Variants in DOK6 observed in about 807,000 individuals in gnomAD.
DOK6 encodes the protein docking protein 6, also known as downstream of tyrosine kinase 6.
Under a neutral mutation model 44.0 loss-of-function variants are expected in DOK6, and 22 were observed. The observed-to-expected ratio is 0.50, with a 90% CI of 0.36 to 0.71. The LOEUF is 0.71. Among genes scored for constraint, DOK6 ranks in the 30% least tolerant of loss-of-function variants. The pLI is 0.00. For synonymous variants in DOK6, 166 were observed against 145.5 expected, an observed-to-expected ratio of 1.14 and a Z score of -1.01; for missense variants, 340 against 416.4, an observed-to-expected ratio of 0.82 and a Z score of 1.60.
chr18:69,531,897 C>T (rs1458343574), intron 1 of DOK6, among the ~76,000 whole-genome samples: 1 of 152,048 alleles, frequency 6.6e-6, no homozygotes, highest in Non-Finnish European at 1.5e-5. Flanking sequence ...AGCCCTAATC[C>T]CCAATGTGAT....
intron 7 of DOK6, among the ~76,000 whole-genome samples, chr18:69,835,451 C>T (rs1326496852): frequency 1.4e-5 from 2 of 147,272 alleles, no homozygotes; most frequent in Non-Finnish European, 3.0e-5. Context: ...GGCGACAGAA[C>T]GAGACTCCGT....
At chr18:69,752,574 T>C (rs1403709215) in intron 6 of DOK6, among the ~76,000 whole-genome samples, 1 of 152,198 alleles carries the variant, frequency 6.6e-6, no homozygotes, top group Non-Finnish European at 1.5e-5. Flanking sequence ...AAATGGAGCC[T>C]GTGATAGAGA....
intron 1 of DOK6, among the ~76,000 whole-genome samples, chr18:69,530,378 C>G (rs1050065588): frequency 6.6e-6 from 1 of 151,952 alleles, no homozygotes; most frequent in Non-Finnish European, 1.5e-5. Context: ...TATTGCACAC[C>G]CAAAAATGGC....
At chr18:69,749,653 T>C (rs1175270949) in intron 6 of DOK6, among the ~76,000 whole-genome samples, 1 of 152,088 alleles carries the variant, frequency 6.6e-6, no homozygotes, top group African/African-American at 2.4e-5. Context: ...TAAAAATCAA[T>C]GAGTTGGCCG....
chr18:69,778,789 A>G (rs192473584), intron 7 of DOK6, among the ~76,000 whole-genome samples: 3 of 152,312 alleles, frequency 2.0e-5, no homozygotes, highest in African/African-American at 7.2e-5. Flanking sequence ...ATGAAGGTCA[A>G]TATCTGAAGA....
chr18:69,531,650 G>A (rs933551841), intron 1 of DOK6, among the ~76,000 whole-genome samples: 2 of 151,888 alleles, frequency 1.3e-5, no homozygotes, highest in Non-Finnish European at 2.9e-5. Context: ...CATTCCTTTT[G>A]TTCTCATGAG....
intron 7 of DOK6, among the ~76,000 whole-genome samples, chr18:69,758,377 G>T (rs1979430083): frequency 6.6e-6 from 1 of 152,116 alleles, no homozygotes; most frequent in South Asian, 2.1e-4. Flanking sequence ...GGTAGAAGGG[G>T]CCACATGTAG....
intron 1 of DOK6, chr18:69,469,552 C>A: frequency 5.9e-6 from 1 of 170,794 alleles, no homozygotes; most frequent in South Asian, 1.2e-4. Context: ...AGACTGACGT[C>A]ATCTACTTAC....
intron 4 of DOK6, among the ~76,000 whole-genome samples, chr18:69,694,058 CAAAAAAAAAAAAAAAAAA>C (rs60662789): frequency 9.7e-5 from 6 of 61,980 alleles, no homozygotes; most frequent in African/African-American, 3.1e-4. Flanking sequence ...GACTCCGTGT[CAAAAAAAAAAAAAAAAAA>C]AAAAAAAAAA....
intron 1 of DOK6, among the ~76,000 whole-genome samples, chr18:69,531,910 T>C (rs1981996392): frequency 6.6e-6 from 1 of 152,110 alleles, no homozygotes; most frequent in African/African-American, 2.4e-5. Flanking sequence ...AATGTGATGA[T>C]ATTAGGAGAT....
intron 5 of DOK6, among the ~76,000 whole-genome samples, chr18:69,718,291 C>G (rs946467645): frequency 1.3e-5 from 2 of 152,174 alleles, no homozygotes; most frequent in African/African-American, 4.8e-5. Context: ...TCTCCTTTCT[C>G]TTTCTGTTGC....
chr18:69,590,357 A>T (rs1278675305), intron 2 of DOK6, among the ~76,000 whole-genome samples: 1 of 152,152 alleles, frequency 6.6e-6, no homozygotes, highest in Non-Finnish European at 1.5e-5. Context: ...TGAACTCTGT[A>T]TGAGTCACTC....
intron 6 of DOK6, among the ~76,000 whole-genome samples, chr18:69,756,895 T>C (rs1053764853): frequency 6.6e-6 from 1 of 152,238 alleles, no homozygotes; most frequent in African/African-American, 2.4e-5. Flanking sequence ...GGATTGCTCA[T>C]TGTCTGTCAA....
intron 2 of DOK6, among the ~76,000 whole-genome samples, chr18:69,596,018 A>G (rs556223714): frequency 5.9e-5 from 9 of 152,308 alleles, no homozygotes; most frequent in African/African-American, 2.2e-4. Flanking sequence ...AAGCATAAGG[A>G]CACTATACAA....
At position 69,692,689 on chromosome 18, in the gene DOK6, G is replaced by T. The variant is rs1986294522; in HGVS notation, c.410-5715G>T. The stretch of plus-strand genomic sequence containing the variant: ...ACATTTGCCATTTATGCTCAGATAG[G>T]CCCAGGCCATCCAAGTTTTGCCTGT... On this transcript the variant is annotated intron_variant, in intron 4 of 7. Coordinates refer to ENST00000382713, the MANE Select transcript of DOK6 (RefSeq NM_152721.6). Among the ~76,000 whole-genome samples the T allele has an allele frequency of 2.0e-5, 3 of 152,224 alleles. No individual in the cohort carries two copies. The South Asian group carries it at 6.2e-4, about 32-fold the overall frequency.
At chr18:69,484,952 T>G (rs1980532590) in intron 1 of DOK6, among the ~76,000 whole-genome samples, 1 of 152,180 alleles carries the variant, frequency 6.6e-6, no homozygotes, top group Non-Finnish European at 1.5e-5. Context: ...GAGCGTCACC[T>G]GCTGGGCTTC....
intron 3 of DOK6, among the ~76,000 whole-genome samples, chr18:69,625,121 T>C (rs962657594): frequency 2.0e-5 from 3 of 152,136 alleles, no homozygotes; most frequent in Non-Finnish European, 2.9e-5. Flanking sequence ...TTAATACATA[T>C]GTAGTAAGTG....
At chr18:69,597,954 G>A (rs1273751686) in intron 2 of DOK6, among the ~76,000 whole-genome samples, 1 of 152,148 alleles carries the variant, frequency 6.6e-6, no homozygotes, top group African/African-American at 2.4e-5. Context: ...AATACCTGAT[G>A]ACTTGGGTGA....
chr18:69,688,813 T>C (rs1568334072), intron 4 of DOK6, among the ~76,000 whole-genome samples: 1 of 152,150 alleles, frequency 6.6e-6, no homozygotes, highest in Non-Finnish European at 1.5e-5. Flanking sequence ...TTCATAAGCT[T>C]ATTAGCCATT....
Sources: gnomAD v4.1 joint callset for allele counts (sites outside exome capture counted in the v4.1 genomes callset) on GRCh38, gnomAD v4.1.1 for gene constraint, MANE v1.5 for transcripts, NCBI Gene and HGNC (gene_info 2026-07-23, HGNC 2026-07-21) for gene names.